Variants in NPFFR2 observed in about 807,000 individuals in gnomAD.
NPFFR2 encodes the protein G-protein coupled receptor 74.
A neutral mutation model predicts 13.1 loss-of-function variants in NPFFR2; 15 were observed. That is an observed-to-expected ratio of 1.15 (90% confidence interval 0.77 to 1.76). The LOEUF (loss-of-function observed/expected upper bound fraction) is 1.76. Ranked by LOEUF, NPFFR2 falls within the 40% of genes most tolerant of loss-of-function variation. The pLI is 0.00. For missense variants in NPFFR2, 572 were observed against 503.5 expected (o/e 1.14, Z -1.30); for synonymous variants, 190 against 175.7 (o/e 1.08, Z -0.65).
In NPFFR2 at chr4:72,147,716, T is replaced by A. The variant is rs527775475; in HGVS notation, c.1167T>A (p.His389Gln). 6.2e-7 allele frequency: 1 copy of A among 1,612,694 alleles called. No homozygotes were observed. Among genetic ancestry groups the A allele is most frequent in the African/African-American group, 1.3e-5 (1 of 74,906 alleles). Residue 389 changes from histidine (H) to glutamine (Q), a missense_variant, in exon 4 of 4, where the codon CAT becomes CAA. Coordinates refer to ENST00000308744, the MANE Select transcript of NPFFR2 (RefSeq NM_004885.3). The part of the protein sequence containing the change: ...LVQESTFQNP[H>Q]GETLLYRKSA... Reference sequence around the variant, plus strand: ...AGGAATCTACATTTCAAAACCCTCATGGGGAAACCTTGCTTTATAGGAAAA... The same window carrying A: ...AGGAATCTACATTTCAAAACCCTCAAGGGGAAACCTTGCTTTATAGGAAAA...
chr4:72,077,524 C>T (rs1720483406), intron 1 of NPFFR2, among the ~76,000 whole-genome samples: 2 of 152,054 alleles, frequency 1.3e-5, no homozygotes, highest in African/African-American at 2.4e-5. Context: ...ATCTCATCCA[C>T]GATTTCAGTC....
At chr4:72,040,806 A>G (rs1719191689) in intron 1 of NPFFR2, among the ~76,000 whole-genome samples, 1 of 151,804 alleles carries the variant, frequency 6.6e-6, no homozygotes, top group Non-Finnish European at 1.5e-5. Context: ...CATGTTGTTC[A>G]ATTTTAAAGA....
chr4:72,054,979 A>G (rs1719699339), intron 1 of NPFFR2, among the ~76,000 whole-genome samples: 2 of 151,940 alleles, frequency 1.3e-5, no homozygotes, highest in Admixed American at 6.6e-5. Context: ...AAAATTTTCT[A>G]TATTGTATAA....
chr4:72,070,438 A>AT (rs1202024807), intron 1 of NPFFR2, among the ~76,000 whole-genome samples: 3 of 151,980 alleles, frequency 2.0e-5, no homozygotes, highest in Non-Finnish European at 4.4e-5. Context: ...GGTCACATAC[A>AT]TTTTTTTAAG....
intron 1 of NPFFR2, among the ~76,000 whole-genome samples, chr4:72,056,322 A>G (rs1719742800): frequency 6.6e-6 from 1 of 151,982 alleles, no homozygotes; most frequent in South Asian, 2.1e-4. Context: ...GAAACATCAA[A>G]GCTTTGATGA....
intron 1 of NPFFR2, among the ~76,000 whole-genome samples, chr4:72,044,308 T>C (rs1313244341): frequency 6.6e-6 from 1 of 152,230 alleles, no homozygotes; most frequent in Non-Finnish European, 1.5e-5. Context: ...CCCTGGGTTG[T>C]CTTCCAGGAT....
intron 1 of NPFFR2, among the ~76,000 whole-genome samples, chr4:72,049,814 G>A (rs115553500): frequency 0.025 from 3,795 of 152,040 alleles, 90 homozygotes; most frequent in Middle Eastern, 0.068. Flanking sequence ...AGCTATAGGA[G>A]CACCTTTTAT....
intron 1 of NPFFR2, among the ~76,000 whole-genome samples, chr4:72,112,855 A>G (rs752011754): frequency 6.6e-5 from 10 of 151,880 alleles, no homozygotes; most frequent in Non-Finnish European, 1.3e-4. Context: ...GAGGGTTGCT[A>G]TGCTTCTACT....
intron 1 of NPFFR2, among the ~76,000 whole-genome samples, chr4:72,122,199 G>A (rs542482112): frequency 6.6e-6 from 1 of 152,180 alleles, no homozygotes; most frequent in Admixed American, 6.5e-5. Flanking sequence ...AACCAGAAGA[G>A]CTAACTAACT....
intron 1 of NPFFR2, among the ~76,000 whole-genome samples, chr4:72,069,478 A>T (rs1397615168): frequency 6.6e-6 from 1 of 152,180 alleles, no homozygotes; most frequent in African/African-American, 2.4e-5. Flanking sequence ...TCCAACCGGA[A>T]AAATTCTAAA....
intron 1 of NPFFR2, among the ~76,000 whole-genome samples, chr4:72,062,802 C>T (rs1428507564): frequency 1.3e-5 from 2 of 152,108 alleles, no homozygotes; most frequent in South Asian, 2.1e-4. Context: ...CTGATTCAGC[C>T]CAGTTGTCTC....
At chr4:72,139,835 A>G (rs1722542030) in intron 3 of NPFFR2, among the ~76,000 whole-genome samples, 1 of 152,304 alleles carries the variant, frequency 6.6e-6, no homozygotes, top group South Asian at 2.1e-4. Context: ...TTGAATCTAT[A>G]AATTACCTTG....
rs1377161741 is a variant in NPFFR2, at chr4:72,148,223, A to G, written c.*411A>G. 6.6e-6 allele frequency among the ~76,000 whole-genome samples: 1 copy of G among 152,232 alleles called. No homozygotes were observed. Among genetic ancestry groups the G allele is most frequent in the Non-Finnish European group, 1.5e-5 (1 of 68,038 alleles). ...ATTTCTCCTTTGATTTTGGATTTAA[A>G]ATTTTAGATTACAAGACTATTACTC... is the stretch of plus-strand genomic sequence containing the variant. On this transcript the variant is annotated 3_prime_UTR_variant, in exon 4 of 4. Transcript: ENST00000308744.
chr4:72,119,215 G>A (rs1721797954), intron 1 of NPFFR2, among the ~76,000 whole-genome samples: 1 of 152,106 alleles, frequency 6.6e-6, no homozygotes, highest in African/African-American at 2.4e-5. Flanking sequence ...AATAGATAAT[G>A]GAGCAAGTCT....
At chr4:72,076,343 A>G (rs1432739905) in intron 1 of NPFFR2, among the ~76,000 whole-genome samples, 1 of 152,054 alleles carries the variant, frequency 6.6e-6, no homozygotes, top group African/African-American at 2.4e-5. Context: ...GAGAAAAACT[A>G]TTTCATCTAT....
intron 1 of NPFFR2, among the ~76,000 whole-genome samples, chr4:72,124,740 G>C (rs1721985057): frequency 6.6e-6 from 1 of 152,110 alleles, no homozygotes; most frequent in Non-Finnish European, 1.5e-5. Flanking sequence ...GCTGAAACTG[G>C]ACCCCTTCCT....
At chr4:72,114,005 C>G (rs1476186054) in intron 1 of NPFFR2, among the ~76,000 whole-genome samples, 1 of 152,044 alleles carries the variant, frequency 6.6e-6, no homozygotes, top group Admixed American at 6.6e-5. Flanking sequence ...CTGTTAAGAA[C>G]TTTTCATAGA....
At chr4:72,037,975 C>G in intron 1 of NPFFR2, among the ~76,000 whole-genome samples, 1 of 152,100 alleles carries the variant, frequency 6.6e-6, no homozygotes, top group East Asian at 1.9e-4. Context: ...TCATGTTTAC[C>G]TACAGAATTA....
chr4:72,125,046 A>C (rs2034086952), intron 1 of NPFFR2, among the ~76,000 whole-genome samples: 1 of 152,230 alleles, frequency 6.6e-6, no homozygotes, highest in Non-Finnish European at 1.5e-5. Flanking sequence ...CAAAGGGCTA[A>C]TATCCAGAAT....
Sources: gnomAD v4.1 joint callset for allele counts (sites outside exome capture counted in the v4.1 genomes callset) on GRCh38, gnomAD v4.1.1 for gene constraint, MANE v1.5 for transcripts, NCBI Gene and HGNC (gene_info 2026-07-23, HGNC 2026-07-21) for gene names.